MAP7D1: variants seen among roughly 807,000 people sequenced by gnomAD.
MAP7D1 encodes the protein MAP7 domain-containing protein 1.
A neutral mutation model predicts 97.5 loss-of-function variants in MAP7D1; 30 were observed. The observed-to-expected ratio is 0.31, with a 90% confidence interval of 0.23 to 0.42. The LOEUF (loss-of-function observed/expected upper bound fraction) is 0.42, where lower values mean the gene tolerates loss of function less well. Ranked by LOEUF, MAP7D1 falls within the 10% of genes least tolerant of loss-of-function variation. MAP7D1 has a pLI of 1.00. For synonymous variants in MAP7D1, 536 were observed against 477.1 expected (o/e 1.12, Z -1.61); for missense variants, 1,184 against 1,179.5 (o/e 1.00, Z -0.06).
At chr1:36,157,665 T>G (rs1557769120) in intron 1 of MAP7D1, among the ~76,000 whole-genome samples, 1 of 152,198 alleles carries the variant, frequency 6.6e-6, no homozygotes, top group African/African-American at 2.4e-5. Context: ...AGCCTAATCC[T>G]GTCACCTCCC....
At chr1:36,156,493 G>C in intron 1 of MAP7D1, 30 bp downstream of exon 1, 1 of 1,414,580 alleles carries the variant, frequency 7.1e-7, no homozygotes. Context: ...GAGGCGAGAT[G>C]GGGGTAGATG....
Position 36,179,679 on chromosome 1 carries a change from T to C in MAP7D1, c.2241T>C (p.Ala747=). The C allele has an allele frequency of 6.5e-7, 1 of 1,526,868 alleles. No homozygotes were observed. The highest frequency in any genetic ancestry group is 8.8e-7 in the Non-Finnish European group (1 of 1,134,814). The allele number at this position is 1,526,868 out of a possible 1,614,324, so 94.6% of individuals were successfully genotyped here. The change falls in exon 15 of 17, where the codon GCT becomes GCC. Residue 747 remains alanine (A), a synonymous_variant. Coordinates refer to ENST00000474796, the MANE Select transcript of MAP7D1 (RefSeq NM_001388490.1). Reference sequence around the variant, plus strand: ...TCCCTGTGACAGAGCCTGTGAAAGCTGTGGAGGCTCGGTCCCCAGGGCTGC... The same window carrying C: ...TCCCTGTGACAGAGCCTGTGAAAGCCGTGGAGGCTCGGTCCCCAGGGCTGC... ...ANGSSPEPVK[A]VEARSPGLQK...
Position 36,174,914 on chromosome 1 carries a change from C to A in MAP7D1, c.756C>A (p.Ser252=). Residue 252 remains serine, a synonymous_variant, in exon 6 of 17, where the codon TCC becomes TCA. Transcript: ENST00000474796. ...CCCCTCCAGGTGGGAGCAGGTGCTC[C>A]GTGTCGGCAGTTAACCTGCCCAAAC... ...PGHKTSGSRC[S]VSAVNLPKHV... 1 of 1,612,628 alleles carries A rather than the reference C, an allele frequency of 6.2e-7. No homozygotes were observed. Among genetic ancestry groups the A allele is most frequent in the South Asian group, 1.1e-5 (1 of 91,028 alleles).
Position 36,177,944 on chromosome 1 carries a change from C to T in MAP7D1, c.1451C>T (p.Pro484Leu). The change falls in exon 9 of 17, where the codon CCA becomes CTA. Residue 484 changes from proline to leucine, a missense_variant. Physicochemically the swap from Pro to Leu is moderately conservative, Grantham distance 98. Coordinates refer to ENST00000474796, the MANE Select transcript of MAP7D1 (RefSeq NM_001388490.1). ...AGGCCTGCCTCCCCCTGCCCCAGCC[C>T]AGGGCCAGGCCACACTCTGCCTCCA... ...WHRPASPCPS[P>L]GPGHTLPPKP... 6.3e-7 allele frequency: 1 copy of T among 1,589,208 alleles called. No homozygotes were observed. The highest frequency in any genetic ancestry group is 8.6e-7 in the Non-Finnish European group (1 of 1,165,126).
chr1:36,173,382 A>T lies in MAP7D1; in HGVS notation c.643A>T (p.Ile215Phe), dbSNP rs768018197. 6.2e-7 allele frequency: 1 copy of T among 1,614,020 alleles called. No individual in the cohort carries two copies. Among genetic ancestry groups the T allele is most frequent in the Non-Finnish European group, 8.5e-7 (1 of 1,179,930 alleles). The change falls in exon 5 of 17, where the codon ATC (isoleucine) becomes TTC (phenylalanine). Residue 215 changes from isoleucine to phenylalanine, a missense_variant. Transcript: ENST00000474796. ...EKNKERYEAA[I>F]QRSVKKTWAE... is the part of the protein sequence containing the mutation. ...CCCCCAGGAGCGCTATGAAGCAGCC[A>T]TCCAACGGTCAGTGAAGAAGACGTG...
rs1644324190 is a variant in MAP7D1, at chr1:36,156,177, A to G, written c.-241A>G. On this transcript the variant is annotated 5_prime_UTR_variant, in exon 1 of 17. Transcript: ENST00000474796. ...ACAATAGGGTTGGGCCGAGGCCGGG[A>G]CTGGGCCGGCGCCGGGCGGGGAACG... The G allele has an allele frequency of 2.4e-6, 1 of 416,600 alleles. No homozygotes were observed. Among genetic ancestry groups the G allele is most frequent in the South Asian group, 6.4e-5 (1 of 15,730 alleles). 25.8% of individuals were successfully genotyped at this position (416,600 alleles called of 1,614,324 possible).
chr1:36,173,868 A>G (rs534458694), intron 5 of MAP7D1, among the ~76,000 whole-genome samples: 2 of 152,228 alleles, frequency 1.3e-5, no homozygotes, highest in East Asian at 1.9e-4. Flanking sequence ...TAGGGCCACC[A>G]TGGATTTTGG....
chr1:36,162,034 G>A (rs1245029315), intron 1 of MAP7D1, among the ~76,000 whole-genome samples: 2 of 152,114 alleles, frequency 1.3e-5, no homozygotes, highest in Non-Finnish European at 2.9e-5. Context: ...GCCTGCCTCT[G>A]TCTTCGCCTG....
rs772791999 is a variant in MAP7D1, at chr1:36,176,185, CCTT to C, written c.851-11_851-9del. On this transcript the variant is annotated splice_polypyrimidine_tract_variant and intron_variant, in intron 6 of 16. Coordinates refer to ENST00000474796, the MANE Select transcript of MAP7D1 (RefSeq NM_001388490.1). The surrounding 1 kb of genome is among the most constrained non-coding windows in gnomAD (Gnocchi z 6.1). ...CCCCACGGTGACCGGCTTCGCCTGGCCTTCTACCCCCAGATCGCAGCCTGCAGC... is the reference window on the plus strand; with the variant it reads ...CCCCACGGTGACCGGCTTCGCCTGGCCTACCCCCAGATCGCAGCCTGCAGC... The C allele has an allele frequency of 1.2e-5, 19 of 1,604,260 alleles. No homozygotes were observed. The highest frequency in any genetic ancestry group is 1.5e-5 in the Non-Finnish European group (18 of 1,178,392).
rs185056861 is a variant in MAP7D1, at chr1:36,177,957, C to T, written c.1464C>T (p.His488=). Residue 488 remains histidine, a synonymous_variant, in exon 9 of 17, where the codon CAC becomes CAT. Coordinates refer to ENST00000474796, the MANE Select transcript of MAP7D1 (RefSeq NM_001388490.1). ...ASPCPSPGPG[H]TLPPKPPSPR... ...CCTGCCCCAGCCCAGGGCCAGGCCACACTCTGCCTCCAAAGCCACCGTCCC... is the reference window on the plus strand; with the variant it reads ...CCTGCCCCAGCCCAGGGCCAGGCCATACTCTGCCTCCAAAGCCACCGTCCC... 1.4e-5 allele frequency: 22 copies of T among 1,599,956 alleles called. No homozygotes were observed. The highest frequency in any genetic ancestry group is 2.2e-5 in the East Asian group (1 of 44,694).
Position 36,176,724 on chromosome 1 carries a change from G to C in MAP7D1, c.1261G>C (p.Glu421Gln), listed in dbSNP as rs755389320. ...PVQKKEKKDK[E>Q]RENEKEKSAL... The stretch of plus-strand genomic sequence containing the variant: ...GCAGAAAAAGGAGAAGAAGGACAAG[G>C]AGCGGGAAAACGAGAAGGAGAAGAG... Residue 421 changes from glutamate to glutamine, a missense_variant, in exon 8 of 17, where the codon GAG becomes CAG. Glu to Gln is a conservative substitution (Grantham distance 29). Transcript: ENST00000474796. This position sits in a 1 kb window ranked among gnomAD's most constrained non-coding sequence, Gnocchi z 6.1. 3.5e-5 allele frequency: 56 copies of C among 1,603,900 alleles called. 1 individual carries two copies. Among genetic ancestry groups the C allele is most frequent in the Non-Finnish European group, 4.3e-5 (51 of 1,175,930 alleles).
In MAP7D1 at chr1:36,175,019, GC is replaced by G; in HGVS notation, c.850+14del. On this transcript the variant is annotated intron_variant, in intron 6 of 16. Transcript: ENST00000474796. ...ACTCCCCCAGTAGAAGTAAGAGAAG[GC>G]CCAGCCCTTCCCCCTCCAGAGCCCC... The G allele has an allele frequency of 6.3e-7, 1 of 1,582,770 alleles. No homozygotes were observed. Among genetic ancestry groups the G allele is most frequent in the Non-Finnish European group, 8.7e-7 (1 of 1,152,034 alleles).
Position 36,179,249 on chromosome 1 carries a change from G to A in MAP7D1, c.2131-13G>A, listed in dbSNP as rs747546000. 3 of 1,613,602 alleles carry A rather than the reference G, an allele frequency of 1.9e-6. No homozygotes were observed. The highest frequency in any genetic ancestry group is 1.3e-5 in the African/African-American group (1 of 74,896). On this transcript the variant is annotated splice_polypyrimidine_tract_variant and intron_variant, in intron 12 of 16. Transcript: ENST00000474796. ...CGGGGCTCGAGCCTAACTGATCTGC[G>A]GCCTCCAAACAGCGTCTGGAGGAGA...
chr1:36,169,381 C>T (rs978863221), intron 1 of MAP7D1, among the ~76,000 whole-genome samples: 15 of 151,584 alleles, frequency 9.9e-5, no homozygotes, highest in African/African-American at 3.4e-4. Flanking sequence ...ACCGTGAAAC[C>T]CCGTCTCTAC....
Position 36,180,554 on chromosome 1 carries a change from T to C in MAP7D1, c.*296T>C. On this transcript the variant is annotated 3_prime_UTR_variant, in exon 17 of 17. Coordinates refer to ENST00000474796, the MANE Select transcript of MAP7D1 (RefSeq NM_001388490.1). ...CTTGGGGAGGGGCCACCTGTAGTAT[T>C]TGCCTTGATTTGGTGGGGTACAGTG... 2 of 485,216 alleles carry C rather than the reference T, an allele frequency of 4.1e-6. No individual in the cohort carries two copies. The highest frequency in any genetic ancestry group is 3.8e-6 in the Non-Finnish European group (1 of 265,596). The allele number at this position is 485,216 out of a possible 1,614,324, so 30.1% of individuals were successfully genotyped here. A position where few individuals can be genotyped will look rare whatever the true frequency, so the allele number is the denominator to read the frequency against.
At chr1:36,161,303 C>T (rs894852898) in intron 1 of MAP7D1, among the ~76,000 whole-genome samples, 2 of 152,198 alleles carry the variant, frequency 1.3e-5, no homozygotes, top group East Asian at 1.9e-4. Flanking sequence ...CCTCCTCTCC[C>T]GGCCCCACAA....
intron 1 of MAP7D1, among the ~76,000 whole-genome samples, chr1:36,169,738 G>A (rs1644517344): frequency 6.6e-6 from 1 of 152,142 alleles, no homozygotes; most frequent in Admixed American, 6.5e-5. Context: ...GGCTTCATAA[G>A]ACCAACAGGG....
Position 36,178,037 on chromosome 1 carries a change from A to C in MAP7D1, c.1544A>C (p.Lys515Thr). Residue 515 changes from lysine to threonine, a missense_variant, in exon 9 of 17, where the codon AAG becomes ACG. Lys to Thr is a moderately conservative substitution (Grantham distance 78). Transcript: ENST00000474796. ...CGGGTTCGGAGGAAGGAGGAGGCAA[A>C]GGAGAGCCCCAGCGCCGCAGGGCCC... ...KGRVRRKEEA[K>T]ESPSAAGPED... The C allele has an allele frequency of 6.2e-7, 1 of 1,613,542 alleles. No homozygotes were observed. The highest frequency in any genetic ancestry group is 8.5e-7 in the Non-Finnish European group (1 of 1,179,798).
chr1:36,179,619 C>T, intron 14 of MAP7D1, 47 bp from the exon 15 acceptor site: 2 of 1,549,748 alleles, frequency 1.3e-6, no homozygotes, highest in East Asian at 2.4e-5. Flanking sequence ...TCCATCCTCA[C>T]CTCTCTTGCC....
Sources: gnomAD v4.1 joint callset for allele counts (sites outside exome capture counted in the v4.1 genomes callset) on GRCh38, gnomAD v4.1.1 for gene constraint, Gnocchi (gnomAD v3.1) non-coding constraint, MANE v1.5 for transcripts, NCBI Gene and HGNC (gene_info 2026-07-23, HGNC 2026-07-21) for gene names.